HPSE: variants seen among roughly 807,000 people sequenced by gnomAD.
HPSE encodes endo-glucoronidase.
Under a neutral mutation model 65.1 loss-of-function variants are expected in HPSE, and 48 were observed. The observed-to-expected ratio is 0.74, with a 90% confidence interval of 0.58 to 0.94. The LOEUF is 0.94. Ranked by LOEUF, HPSE falls within the 40% of genes least tolerant of loss-of-function variation. The pLI is 0.00. For missense variants in HPSE, 644 were observed against 637.5 expected, an observed-to-expected ratio of 1.01 and a Z score of -0.11; for synonymous variants, 243 against 260.0, an observed-to-expected ratio of 0.93 and a Z score of 0.63.
Position 83,334,628 on chromosome 4 carries a change from A to C in HPSE, c.155T>G (p.Val52Gly). ...DFFTQEPLHL[V>G]SPSFLSVTID... ...GGTGACGGACAGGAACGAGGGGCTC[A>C]CCAGGTGCAGCGGCTCCTGGGTGAA... The change falls in exon 1 of 12, where the codon GTG becomes GGG. Residue 52 changes from valine (V) to glycine (G), a missense_variant. Physicochemically the swap from Val to Gly is moderately radical, Grantham distance 109. Coordinates refer to ENST00000311412, the MANE Select transcript of HPSE (RefSeq NM_001098540.3). The C allele has an allele frequency of 6.3e-7, 1 of 1,590,414 alleles. No homozygotes were observed. Among genetic ancestry groups the C allele is most frequent in the Non-Finnish European group, 8.6e-7 (1 of 1,168,366 alleles).
In HPSE at chr4:83,334,709, G is replaced by C; in HGVS notation, c.74C>G (p.Ser25Cys). 1.3e-6 allele frequency: 2 copies of C among 1,568,204 alleles called. No homozygotes were observed. Among genetic ancestry groups the C allele is most frequent in the South Asian group, 1.2e-5 (1 of 85,356 alleles). Residue 25 changes from serine to cysteine, a missense_variant, in exon 1 of 12, where the codon TCC (serine) becomes TGC (cysteine). Coordinates refer to ENST00000311412, the MANE Select transcript of HPSE (RefSeq NM_001098540.3). ...LLLLGPLGPLSPGALPRPAQA... is the reference protein window; with the variant it reads ...LLLLGPLGPLCPGALPRPAQA... Reference sequence around the variant, plus strand: ...CGCAGGTCGGGGCAGGGCGCCAGGGGAGAGGGGACCCAGCGGCCCCAGGAG... The same window carrying C: ...CGCAGGTCGGGGCAGGGCGCCAGGGCAGAGGGGACCCAGCGGCCCCAGGAG...
At chr4:83,298,089 A>G (rs1413243626) in intron 11 of HPSE, among the ~76,000 whole-genome samples, 1 of 152,230 alleles carries the variant, frequency 6.6e-6, no homozygotes, top group African/African-American at 2.4e-5. Flanking sequence ...TGCTACACAT[A>G]TATCAAGGGT....
chr4:83,320,003 C>T (rs1182667915), intron 2 of HPSE, among the ~76,000 whole-genome samples: 1 of 134,188 alleles, frequency 7.5e-6, no homozygotes, highest in African/African-American at 2.8e-5. Context: ...CTGGGTGACA[C>T]TGGGCGACAA....
intron 1 of HPSE, among the ~76,000 whole-genome samples, chr4:83,328,985 A>G (rs766260966): frequency 6.6e-6 from 1 of 152,148 alleles, no homozygotes; most frequent in Non-Finnish European, 1.5e-5. Flanking sequence ...AAAGGAAGTA[A>G]TTGCTCATTT....
At chr4:83,298,656 C>T (rs1348966057) in intron 11 of HPSE, among the ~76,000 whole-genome samples, 5 of 151,878 alleles carry the variant, frequency 3.3e-5, no homozygotes, top group South Asian at 2.1e-4. Context: ...AATGAGACAT[C>T]GTCTCTACAA....
At chr4:83,315,979 G>T (rs961687498) in intron 3 of HPSE, among the ~76,000 whole-genome samples, 5 of 152,078 alleles carry the variant, frequency 3.3e-5, no homozygotes, top group Non-Finnish European at 7.4e-5. Flanking sequence ...ACATCTCCTG[G>T]AATAGAGGCT....
At chr4:83,328,145 G>T (rs183048969) in intron 1 of HPSE, among the ~76,000 whole-genome samples, 2 of 152,220 alleles carry the variant, frequency 1.3e-5, no homozygotes, top group African/African-American at 2.4e-5. Flanking sequence ...GGCTGCAGTC[G>T]CAGAGTACTG....
At chr4:83,332,791 AG>A (rs970091949) in intron 1 of HPSE, among the ~76,000 whole-genome samples, 8 of 152,300 alleles carry the variant, frequency 5.3e-5, no homozygotes, top group African/African-American at 1.4e-4. Flanking sequence ...CTGTTACTCC[AG>A]GGGGGAACCC....
chr4:83,313,102 T>C lies in HPSE; in HGVS notation c.673+12A>G. 1 of 1,564,662 alleles carries C rather than the reference T, an allele frequency of 6.4e-7. No individual in the cohort carries two copies. The highest frequency in any genetic ancestry group is 8.8e-7 in the Non-Finnish European group (1 of 1,139,126). The stretch of plus-strand genomic sequence containing the variant: ...ATCTCCTTATTAATGAATTGTTCCC[T>C]GGGGTACTCACCATTGCCTAGTTCC... On this transcript the variant is annotated intron_variant, in intron 4 of 11. Transcript: ENST00000311412.
At chr4:83,323,676 G>A (rs1238173279) in intron 1 of HPSE, among the ~76,000 whole-genome samples, 2 of 151,986 alleles carry the variant, frequency 1.3e-5, no homozygotes, top group Non-Finnish European at 2.9e-5. Flanking sequence ...TTGTATTTAA[G>A]TCAAATGACT....
intron 11 of HPSE, among the ~76,000 whole-genome samples, chr4:83,297,768 A>T (rs1578001599): frequency 6.6e-6 from 1 of 152,218 alleles, no homozygotes; most frequent in Non-Finnish European, 1.5e-5. Context: ...AAAAGCCTGT[A>T]TCACCTCAAT....
intron 3 of HPSE, 117 bp downstream of exon 3, chr4:83,319,227 C>A: frequency 5.0e-6 from 5 of 1,001,182 alleles, no homozygotes; most frequent in South Asian, 1.7e-5. Flanking sequence ...TTGGGAAATG[C>A]TTCAGTATTT....
rs1263038288 is a variant in HPSE, at chr4:83,294,644, T to G, written c.*700A>C. 1 of 152,230 alleles carries G rather than the reference T, an allele frequency of 6.6e-6. No individual in the cohort carries two copies. Among genetic ancestry groups the G allele is most frequent in the Non-Finnish European group, 1.5e-5 (1 of 68,102 alleles). 9.4% of individuals were successfully genotyped at this position (152,230 alleles called of 1,614,324 possible). The stretch of plus-strand genomic sequence containing the variant: ...GTGTGATGGCATGTGTCTGTGGTCC[T>G]AGCTACTTGGGAGGCTAAGCAGGAG... On this transcript the variant is annotated 3_prime_UTR_variant, in exon 12 of 12. Coordinates refer to ENST00000311412, the MANE Select transcript of HPSE (RefSeq NM_001098540.3).
In HPSE at chr4:83,301,035, A is replaced by G. The variant is rs201528090; in HGVS notation, c.1397T>C (p.Leu466Ser). 4 of 1,607,146 alleles carry G rather than the reference A, an allele frequency of 2.5e-6. No individual in the cohort carries two copies. Among genetic ancestry groups the G allele is most frequent in the Admixed American group, 3.4e-5 (2 of 59,698 alleles). The change falls in exon 11 of 12, where the codon TTA becomes TCA. Residue 466 changes from leucine to serine, a missense_variant. Transcript: ENST00000311412. ...NLHNVTKYLR[L>S]PYPFSNKQVD... ...TTGCTTGTTAGAAAAAGGATAGGGTAACCGCAAGTACTTGGTGACATTATG... is the reference window on the plus strand; with the variant it reads ...TTGCTTGTTAGAAAAAGGATAGGGTGACCGCAAGTACTTGGTGACATTATG...
At chr4:83,297,441 C>A in intron 11 of HPSE, among the ~76,000 whole-genome samples, 1 of 151,598 alleles carries the variant, frequency 6.6e-6, no homozygotes, top group East Asian at 1.9e-4. Context: ...CACCATTAAA[C>A]ATCCATCCAC....
chr4:83,309,409 AC>A lies in HPSE; in HGVS notation c.976del (p.Val326PhefsTer16), dbSNP rs1736278875. On this transcript the variant is annotated frameshift_variant, in exon 7 of 12. Transcript: ENST00000311412. LOFTEE classifies it high-confidence loss of function. The part of the protein sequence containing the change: ...LDIFISSVQK[V>X]FQVVESTRPG... Reference sequence around the variant, plus strand: ...GTTTAAAAAGACTATTACCTGGAAAACTTTTTGCACAGATGAAATAAAAATG... The same window carrying A: ...GTTTAAAAAGACTATTACCTGGAAAATTTTTGCACAGATGAAATAAAAATG... 2.6e-6 allele frequency: 4 copies of A among 1,549,358 alleles called. No homozygotes were observed. The highest frequency in any genetic ancestry group is 3.5e-6 in the Non-Finnish European group (4 of 1,133,848).
rs1553919975 is a variant in HPSE, at chr4:83,313,036, A to AAG, written c.673+77_673+78insCT. Reference sequence around the variant, plus strand: ...GACTCTGTCTCAAAAAAAAAAAAAAAAAAAAGAAAAAGAAAAGAAAAGAAA... The same window carrying AAG: ...GACTCTGTCTCAAAAAAAAAAAAAAAAGAAAAAGAAAAAGAAAAGAAAAGAAA... On this transcript the variant is annotated intron_variant, in intron 4 of 11. Transcript: ENST00000311412. The AAG allele has an allele frequency of 1.9e-5, 19 of 1,026,196 alleles. No individual in the cohort carries two copies. The African/African-American group carries it at 2.0e-4, about 11-fold the overall frequency. 63.6% of individuals were successfully genotyped at this position (1,026,196 alleles called of 1,614,324 possible).
Position 83,308,934 on chromosome 4 carries a change from C to A in HPSE, c.1002G>T (p.Arg334Ser), listed in dbSNP as rs759352860. 1 of 1,614,036 alleles carries A rather than the reference C, an allele frequency of 6.2e-7. No homozygotes were observed. ...QKVFQVVEST[R>S]PGKKVWLGET... Reference sequence around the variant, plus strand: ...CTCCTAACCAGACCTTCTTGCCAGGCCTGGTGCTCTCAACCACCTATAGAA... The same window carrying A: ...CTCCTAACCAGACCTTCTTGCCAGGACTGGTGCTCTCAACCACCTATAGAA... The change falls in exon 8 of 12, where the codon AGG becomes AGT. Residue 334 changes from arginine to serine, a missense_variant. Arg to Ser is a moderately radical substitution (Grantham distance 110). Transcript: ENST00000311412.
At chr4:83,322,197 G>A (rs1173902842) in intron 2 of HPSE, 22 bp downstream of exon 2, 3 of 1,602,444 alleles carry the variant, frequency 1.9e-6, no homozygotes, top group South Asian at 2.2e-5. Context: ...AAAATATAGA[G>A]TGAATCTTTA....
Sources: gnomAD v4.1 joint callset for allele counts (sites outside exome capture counted in the v4.1 genomes callset) on GRCh38, gnomAD v4.1.1 for gene constraint, MANE v1.5 for transcripts, NCBI Gene and HGNC (gene_info 2026-07-23, HGNC 2026-07-21) for gene names.